Variants in CDH2 observed in about 807,000 individuals in gnomAD.
The protein encoded by CDH2 is cadherin-2.
Under a neutral mutation model 92.0 loss-of-function variants are expected in CDH2, and 17 were observed. The ratio of observed to expected loss-of-function variants is 0.18; its 90% confidence interval spans 0.13 to 0.28. CDH2 has a LOEUF of 0.28. Ranked by LOEUF, CDH2 falls within the 10% of genes least tolerant of loss-of-function variation. The probability of loss-of-function intolerance (pLI) is 1.00; values close to 1 mark genes in which losing one functional copy is unlikely to be tolerated. For missense variants in CDH2, 862 were observed against 1,133.1 expected (o/e 0.76, Z 3.44); for synonymous variants, 419 against 415.9 (o/e 1.01, Z -0.09).
chr18:28,140,990 C>T (rs1240599375), intron 2 of CDH2, among the ~76,000 whole-genome samples: 1 of 150,920 alleles, frequency 6.6e-6, no homozygotes, highest in East Asian at 1.9e-4. Flanking sequence ...TTCACACCTA[C>T]TAGGATACAA....
At chr18:28,048,208 A>T (rs1303354972) in intron 2 of CDH2, among the ~76,000 whole-genome samples, 1 of 152,180 alleles carries the variant, frequency 6.6e-6, no homozygotes, top group Admixed American at 6.5e-5. Context: ...TAAGCAATTT[A>T]TCAGATCCCA....
chr18:27,990,896 A>G (rs1402451442), intron 9 of CDH2, among the ~76,000 whole-genome samples: 1 of 152,218 alleles, frequency 6.6e-6, no homozygotes, highest in Admixed American at 6.5e-5. Context: ...AAACATGTAT[A>G]CATAATCGCA....
chr18:27,987,825 G>C (rs998425222), intron 11 of CDH2, among the ~76,000 whole-genome samples: 1 of 152,126 alleles, frequency 6.6e-6, no homozygotes, highest in Non-Finnish European at 1.5e-5. Flanking sequence ...CAATCCCACA[G>C]ATTCAAAGTG....
At chr18:27,970,434 G>A (rs1164625229) in intron 14 of CDH2, among the ~76,000 whole-genome samples, 1 of 152,196 alleles carries the variant, frequency 6.6e-6, no homozygotes, top group African/African-American at 2.4e-5. Context: ...AGGTAATTTG[G>A]TTGAGAATAT....
chr18:28,066,452 G>A (rs1354367468), intron 2 of CDH2, among the ~76,000 whole-genome samples: 1 of 152,062 alleles, frequency 6.6e-6, no homozygotes, highest in Non-Finnish European at 1.5e-5. Flanking sequence ...TTAATTTTCA[G>A]AATAATTCTT....
intron 2 of CDH2, among the ~76,000 whole-genome samples, chr18:28,106,262 C>T (rs767582248): frequency 6.6e-6 from 1 of 152,016 alleles, no homozygotes; most frequent in Admixed American, 6.6e-5. Flanking sequence ...CCTAAAAATA[C>T]AAAAATTAGC....
chr18:28,112,440 G>A (rs17463400), intron 2 of CDH2, among the ~76,000 whole-genome samples: 1 of 152,298 alleles, frequency 6.6e-6, no homozygotes, highest in East Asian at 1.9e-4. Context: ...TAAAGAGGCC[G>A]ACTCAAATTC....
intron 14 of CDH2, among the ~76,000 whole-genome samples, chr18:27,967,141 G>C (rs1361933695): frequency 6.6e-6 from 1 of 152,168 alleles, no homozygotes; most frequent in Non-Finnish European, 1.5e-5. Flanking sequence ...CAGGAAGTTA[G>C]ACACAAGGTT....
chr18:28,176,327 A>C (rs1435384493), intron 1 of CDH2, among the ~76,000 whole-genome samples: 1 of 151,856 alleles, frequency 6.6e-6, no homozygotes, highest in Non-Finnish European at 1.5e-5. Context: ...ACCGGCAGAG[A>C]CTCCTCCGGG....
intron 1 of CDH2, among the ~76,000 whole-genome samples, chr18:28,175,915 C>T (rs542775309): frequency 2.6e-4 from 40 of 152,310 alleles, no homozygotes; most frequent in African/African-American, 8.9e-4. Context: ...GCACTGCACC[C>T]GCCCAGCTAG....
intron 2 of CDH2, among the ~76,000 whole-genome samples, chr18:28,041,660 TA>T (rs1316957516): frequency 6.6e-6 from 1 of 152,190 alleles, no homozygotes; most frequent in African/African-American, 2.4e-5. Context: ...GAATCATTCT[TA>T]ACAGAATTAA....
intron 2 of CDH2, among the ~76,000 whole-genome samples, chr18:28,087,704 GAC>G (rs926940341): frequency 6.6e-6 from 1 of 151,852 alleles, no homozygotes; most frequent in African/African-American, 2.4e-5. Context: ...ATGTTCTACT[GAC>G]ACACATATTC....
At chr18:28,087,477 A>G (rs2144204238) in intron 2 of CDH2, among the ~76,000 whole-genome samples, 1 of 152,324 alleles carries the variant, frequency 6.6e-6, no homozygotes, top group Non-Finnish European at 1.5e-5. Context: ...AACAAACTGC[A>G]GAGGCTGAAC....
chr18:27,956,429 C>G (rs2011248060), intron 15 of CDH2, among the ~76,000 whole-genome samples: 1 of 152,118 alleles, frequency 6.6e-6, no homozygotes, highest in Non-Finnish European at 1.5e-5. Flanking sequence ...CGGAGACATG[C>G]TTTTATGAGG....
chr18:27,950,250 A>G (rs1317967037), downstream of CDH2, among the ~76,000 whole-genome samples: 2 of 152,140 alleles, frequency 1.3e-5, no homozygotes, highest in African/African-American at 2.4e-5. Context: ...GGTATATTAT[A>G]TAAGTGTTTT....
chr18:28,075,685 A>G (rs1431014970), intron 2 of CDH2, among the ~76,000 whole-genome samples: 2 of 152,182 alleles, frequency 1.3e-5, no homozygotes, highest in Non-Finnish European at 2.9e-5. Flanking sequence ...CAGCTGCAGG[A>G]CATTTGCTCC....
chr18:27,939,103 C>CT (rs35481746), intron 6 of CDH2, among the ~76,000 whole-genome samples: 22,993 of 152,130 alleles, frequency 0.15, 2,390 homozygotes, highest in Non-Finnish European at 0.23. Flanking sequence ...TTTCCCATGT[C>CT]TTTTATTTCC....
Position 27,985,659 on chromosome 18 carries a change from G to A in CDH2, c.1844C>T (p.Thr615Ile). ...AATATTAATTGAATTGGGGTCTGGA[G>A]TTTCGCAAGTCTCTGCCTCTTGAGG... Reference protein sequence around the residue: ...VLPQEAETCETPDPNSINITA... With the variant: ...VLPQEAETCEIPDPNSINITA... The change falls in exon 12 of 16, where the codon ACT (threonine) becomes ATT (isoleucine). Residue 615 changes from threonine to isoleucine, a missense_variant. Physicochemically the swap from Thr to Ile is moderately conservative, Grantham distance 89. Coordinates refer to ENST00000269141, the MANE Select transcript of CDH2 (RefSeq NM_001792.5). The A allele has an allele frequency of 6.2e-7, 1 of 1,613,800 alleles. No individual in the cohort carries two copies. The highest frequency in any genetic ancestry group is 8.5e-7 in the Non-Finnish European group (1 of 1,179,682).
At chr18:28,149,033 A>C (rs565197792) in intron 1 of CDH2, among the ~76,000 whole-genome samples, 1 of 152,346 alleles carries the variant, frequency 6.6e-6, no homozygotes, top group South Asian at 2.1e-4. Flanking sequence ...AGCAGTTTTA[A>C]GTCTGTTATG....
Sources: gnomAD v4.1 joint callset for allele counts (sites outside exome capture counted in the v4.1 genomes callset) on GRCh38, gnomAD v4.1.1 for gene constraint, MANE v1.5 for transcripts, NCBI Gene and HGNC (gene_info 2026-07-23, HGNC 2026-07-21) for gene names.